ACO1: variants seen among roughly 807,000 people sequenced by gnomAD.
ACO1 encodes the protein aconitase 1.
In ACO1, 78 loss-of-function variants were observed where a neutral mutation model predicts 105.1. The ratio of observed to expected loss-of-function variants is 0.74; its 90% CI spans 0.62 to 0.90. The LOEUF is 0.90. Ranked by LOEUF, ACO1 falls within the 40% of genes least tolerant of loss-of-function variation. The pLI is 0.00. For missense variants in ACO1, 965 were observed against 1,111.1 expected (o/e 0.87, Z 1.87); for synonymous variants, 364 against 397.4 (o/e 0.92, Z 1.00).
At chr9:32,385,348 C>G (rs1474490741) in intron 1 of ACO1, among the ~76,000 whole-genome samples, 3 of 152,218 alleles carry the variant, frequency 2.0e-5, no homozygotes, top group Non-Finnish European at 4.4e-5. Flanking sequence ...ACATGTAACT[C>G]TCTTCCCTGG....
intron 18 of ACO1, among the ~76,000 whole-genome samples, chr9:32,440,227 C>A (rs1227599566): frequency 6.6e-6 from 1 of 150,590 alleles, no homozygotes; most frequent in East Asian, 2.0e-4. Context: ...GAGATCGTGC[C>A]ACTGCACTCC....
intron 1 of ACO1, among the ~76,000 whole-genome samples, chr9:32,405,106 T>TAAGACTAGGTG (rs1417158513): frequency 2.4e-5 from 1 of 41,654 alleles, no homozygotes; most frequent in African/African-American, 5.2e-5. Flanking sequence ...ATACAGCATG[T>TAAGACTAGGTG]GAGACGTAGT....
At chr9:32,398,774 T>C (rs1310766563) in intron 1 of ACO1, among the ~76,000 whole-genome samples, 1 of 151,988 alleles carries the variant, frequency 6.6e-6, no homozygotes, top group Non-Finnish European at 1.5e-5. Flanking sequence ...TTTCACTTTT[T>C]TGTAGAGACA....
chr9:32,407,295 A>G lies in ACO1; in HGVS notation c.132A>G (p.Glu44=), dbSNP rs1382326772. ...RLPFSIRVLL[E]AAIRNCDEFL... ...CATTTTCGATCAGAGTTCTTCTGGAAGCAGCCATTCGGAATTGTGATGAGT... is the reference window on the plus strand; with the variant it reads ...CATTTTCGATCAGAGTTCTTCTGGAGGCAGCCATTCGGAATTGTGATGAGT... Residue 44 remains glutamate (E), a synonymous_variant, in exon 3 of 21, where the codon GAA becomes GAG. Transcript: ENST00000309951. 1.9e-6 allele frequency: 3 copies of G among 1,614,042 alleles called. No individual in the cohort carries two copies. Among genetic ancestry groups the G allele is most frequent in the Non-Finnish European group, 2.5e-6 (3 of 1,180,034 alleles).
In ACO1 at chr9:32,429,976, C is replaced by T. The variant is rs73477333; in HGVS notation, c.1570-442C>T. Among the ~76,000 whole-genome samples, 946 of 152,300 alleles carry T rather than the reference C, an allele frequency of 6.2e-3. 12 individuals are homozygous for T. The highest frequency in any genetic ancestry group is 0.022 in the African/African-American group (904 of 41,556). On this transcript the variant is annotated intron_variant, in intron 13 of 20. Coordinates refer to ENST00000309951, the MANE Select transcript of ACO1 (RefSeq NM_002197.3). ...AAAGTGAGACAAGTCTCCACACAAA[C>T]GAATCTAAACTAAATTGCTTTGGCT...
rs191444785 is a variant in ACO1 at position 32,430,243 on chromosome 9, T to C, written c.1570-175T>C. ...TGTCTCTGCTTCCTTTGACCCAGAG[T>C]ATCTCCCATGGGGACACCCCAGTGT... is the stretch of plus-strand genomic sequence containing the variant. On this transcript the variant is annotated intron_variant, in intron 13 of 20. Transcript: ENST00000309951. 9.8e-4 allele frequency among the ~76,000 whole-genome samples: 149 copies of C among 152,202 alleles called. 1 individual carries two copies. Among genetic ancestry groups the C allele is most frequent in the Non-Finnish European group, 2.2e-4 (15 of 67,992 alleles).
At chr9:32,403,221 A>G (rs1301353021) in intron 1 of ACO1, among the ~76,000 whole-genome samples, 1 of 152,172 alleles carries the variant, frequency 6.6e-6, no homozygotes, top group African/African-American at 2.4e-5. Flanking sequence ...AAGGTTTTTC[A>G]TCCCTCTGAG....
chr9:32,397,084 G>C (rs990772205), intron 1 of ACO1, among the ~76,000 whole-genome samples: 1 of 152,098 alleles, frequency 6.6e-6, no homozygotes, highest in Non-Finnish European at 1.5e-5. Context: ...TGAGCAAGAA[G>C]AGACAAGCTG....
Position 32,418,203 on chromosome 9 carries a change from G to GGC in ACO1, c.474+7_474+8dup, listed in dbSNP as rs1449580384. 2 of 1,614,002 alleles carry GGC rather than the reference G, an allele frequency of 1.2e-6. No homozygotes were observed. The highest frequency in any genetic ancestry group is 2.7e-5 in the African/African-American group (2 of 74,930). On this transcript the variant is annotated splice_region_variant and intron_variant, in intron 5 of 20. Transcript: ENST00000309951. The stretch of plus-strand genomic sequence containing the variant: ...AGCGATTTGAATTTTTAAAGGTATG[G>GGC]GCAGGGTCTGGTTCCATTGTTTGGT...
In ACO1 at chr9:32,428,057, T is replaced by C. The variant is rs181178203; in HGVS notation, c.1484+621T>C. ...TGGGAGGCCAGGGCAAGAGGATTGC[T>C]TCAAGCCAGGAGTTTGAAACTAGCC... is the stretch of plus-strand genomic sequence containing the variant. On this transcript the variant is annotated intron_variant, in intron 12 of 20. Transcript: ENST00000309951. Among the ~76,000 whole-genome samples, 14 of 152,104 alleles carry C rather than the reference T, an allele frequency of 9.2e-5. No homozygotes were observed. In the East Asian group the frequency reaches 2.7e-3, roughly 29 times the overall value.
chr9:32,412,273 A>G (rs1821756305), intron 4 of ACO1, among the ~76,000 whole-genome samples: 1 of 152,216 alleles, frequency 6.6e-6, no homozygotes, highest in Non-Finnish European at 1.5e-5. Flanking sequence ...TACATTGCAT[A>G]TGTAGAGTGA....
Position 32,451,286 on chromosome 9 carries a change from G to C in ACO1, c.*1175G>C, listed in dbSNP as rs1420803028. ...TTGAAGCCACTTCATTTTCTGGTGA[G>C]GACACTCTTCCTGGTTTACAGATGG... On this transcript the variant is annotated 3_prime_UTR_variant, in exon 21 of 21. Coordinates refer to ENST00000309951, the MANE Select transcript of ACO1 (RefSeq NM_002197.3). The C allele has an allele frequency of 6.6e-6, 1 of 152,108 alleles. No individual in the cohort carries two copies. Among genetic ancestry groups the C allele is most frequent in the Non-Finnish European group, 1.5e-5 (1 of 68,042 alleles). 9.4% of individuals were successfully genotyped at this position (152,108 alleles called of 1,614,324 possible). A position where few individuals can be genotyped will look rare whatever the true frequency, so the allele number is the denominator to read the frequency against.
chr9:32,430,662 A>G (rs1016322719), intron 14 of ACO1, 88 bp downstream of exon 14: 31 of 1,384,386 alleles, frequency 2.2e-5, no homozygotes, highest in Middle Eastern at 3.7e-4. Context: ...TAAGAAATGA[A>G]GCATAGAGCC....
chr9:32,385,697 T>G (rs1175148980), intron 1 of ACO1, among the ~76,000 whole-genome samples: 1 of 152,238 alleles, frequency 6.6e-6, no homozygotes, highest in East Asian at 1.9e-4. Context: ...TGCAGTCTGT[T>G]GCAATATCAC....
intron 1 of ACO1, among the ~76,000 whole-genome samples, chr9:32,399,966 GTTTTTTTTTTTT>G (rs57615512): frequency 1.4e-5 from 1 of 69,842 alleles, no homozygotes; most frequent in African/African-American, 6.1e-5. Context: ...TTCTTTTTCT[GTTTTTTTTTTTT>G]TTTTTTTTTT....
intron 8 of ACO1, among the ~76,000 whole-genome samples, chr9:32,422,859 GAC>G (rs1822005207): frequency 6.6e-6 from 1 of 152,146 alleles, no homozygotes; most frequent in Non-Finnish European, 1.5e-5. Flanking sequence ...AAATGTTTAG[GAC>G]ACAGTGCCCA....
At chr9:32,409,109 C>G (rs1731450697) in intron 4 of ACO1, among the ~76,000 whole-genome samples, 1 of 152,196 alleles carries the variant, frequency 6.6e-6, no homozygotes, top group South Asian at 2.1e-4. Context: ...TGTGTTTCTT[C>G]TTTTGTTTGG....
At chr9:32,401,233 T>G (rs928871703) in intron 1 of ACO1, among the ~76,000 whole-genome samples, 9 of 152,184 alleles carry the variant, frequency 5.9e-5, no homozygotes, top group East Asian at 5.8e-4. Context: ...CATGGAAGTT[T>G]TAGTAAGTGA....
At position 32,454,365 on chromosome 9, in the gene ACO1, G is replaced by A. The variant is rs1266405413; in HGVS notation, c.*4254G>A. ...CAAATAATAATGAATCCATTTTAAG[G>A]ACAGGAATTGGTTTACTGACCTTGA... On this transcript the variant is annotated 3_prime_UTR_variant, in exon 21 of 21. Transcript: ENST00000309951. 2 of 146,642 alleles carry A rather than the reference G, an allele frequency of 1.4e-5. No individual in the cohort carries two copies. Among genetic ancestry groups the A allele is most frequent in the Non-Finnish European group, 3.1e-5 (2 of 64,730 alleles). 9.1% of individuals were successfully genotyped at this position (146,642 alleles called of 1,614,324 possible). A position where few individuals can be genotyped will look rare whatever the true frequency, so the allele number is the denominator to read the frequency against.
Sources: allele counts gnomAD v4.1 joint callset (sites outside exome capture counted in the v4.1 genomes callset), GRCh38; gene constraint gnomAD v4.1.1; transcripts MANE v1.5; gene names NCBI Gene and HGNC (gene_info 2026-07-23, HGNC 2026-07-21).